Variants in DPYSL3 observed in about 807,000 individuals in gnomAD.
DPYSL3 encodes the protein dihydropyrimidinase like 3.
Under a neutral mutation model 66.1 loss-of-function variants are expected in DPYSL3, and 16 were observed. The ratio of observed to expected loss-of-function variants is 0.24; its 90% confidence interval spans 0.16 to 0.37. DPYSL3 has a LOEUF of 0.37. DPYSL3 is among the 10% of genes least tolerant of loss of function. DPYSL3 has a pLI of 1.00. For missense variants in DPYSL3, 738 were observed against 916.2 expected, an observed-to-expected ratio of 0.81 and a Z score of 2.51; for synonymous variants, 338 against 345.1, an observed-to-expected ratio of 0.98 and a Z score of 0.23.
intron 8 of DPYSL3, among the ~76,000 whole-genome samples, chr5:147,404,058 G>A (rs904479829): frequency 2.6e-5 from 4 of 152,180 alleles, no homozygotes; most frequent in Non-Finnish European, 5.9e-5. Flanking sequence ...GTCACAGTTG[G>A]CAGGGGTGTG....
At chr5:147,410,073 C>T (rs916929963) in intron 6 of DPYSL3, among the ~76,000 whole-genome samples, 6 of 152,136 alleles carry the variant, frequency 3.9e-5, no homozygotes, top group Non-Finnish European at 8.8e-5. Context: ...ACCATTCTCA[C>T]TTATTGAAAC....
In DPYSL3 at chr5:147,404,830, C is replaced by T. The variant is rs568614296; in HGVS notation, c.1153+780G>A. Among the ~76,000 whole-genome samples, 3 of 152,250 alleles carry T rather than the reference C, an allele frequency of 2.0e-5. No homozygotes were observed. In the South Asian group the frequency reaches 6.2e-4, roughly 32 times the overall value. ...AATATGCTTTGGAGACCCACTCAACCCCTTCTCTAAAATAACTTGTGTTAG... is the reference window on the plus strand; with the variant it reads ...AATATGCTTTGGAGACCCACTCAACTCCTTCTCTAAAATAACTTGTGTTAG... On this transcript the variant is annotated intron_variant, in intron 8 of 13. Transcript: ENST00000343218.
rs1176456888 is a variant in DPYSL3, at chr5:147,453,802, C to A, written c.382-28839G>T. On this transcript the variant is annotated intron_variant, in intron 1 of 13. Coordinates refer to ENST00000343218, the MANE Select transcript of DPYSL3 (RefSeq NM_001197294.2). ...TCCCCGGTCCCCCTTTCACCCCCGC[C>A]CCCCCACGCACACCCTCCTCCACCC... The A allele has an allele frequency of 7.2e-6, 9 of 1,250,574 alleles. No homozygotes were observed. In the East Asian group the frequency reaches 1.3e-4, roughly 18 times the overall value. 77.5% of individuals were successfully genotyped at this position (1,250,574 alleles called of 1,614,324 possible).
rs139649630 is a variant in DPYSL3, at chr5:147,423,868, A to G, written c.470+1007T>C. On this transcript the variant is annotated intron_variant, in intron 2 of 13. Coordinates refer to ENST00000343218, the MANE Select transcript of DPYSL3 (RefSeq NM_001197294.2). ...CCTGAGTAGCTGGGACTGCAGGCATACACCAGCACACCCGGGTAATTTTTG... is the reference window on the plus strand; with the variant it reads ...CCTGAGTAGCTGGGACTGCAGGCATGCACCAGCACACCCGGGTAATTTTTG... Among the ~76,000 whole-genome samples, 610 of 152,188 alleles carry G rather than the reference A, an allele frequency of 4.0e-3. 3 individuals carry two copies. The highest frequency in any genetic ancestry group is 6.6e-3 in the Non-Finnish European group (449 of 67,982).
chr5:147,464,895 G>T (rs145660027), intron 1 of DPYSL3, among the ~76,000 whole-genome samples: 91 of 152,260 alleles, frequency 6.0e-4, no homozygotes, highest in African/African-American at 1.9e-3. Context: ...CTCCCTGAAC[G>T]TACACAGAGA....
intron 1 of DPYSL3, among the ~76,000 whole-genome samples, chr5:147,456,816 C>T (rs1289021867): frequency 2.0e-5 from 3 of 151,956 alleles, no homozygotes; most frequent in Admixed American, 6.6e-5. Context: ...GTCTCGAACT[C>T]CTGACCTCAT....
chr5:147,470,384 C>G lies in DPYSL3; in HGVS notation c.381+39094G>C, dbSNP rs185921759. 5.5e-4 allele frequency among the ~76,000 whole-genome samples: 84 copies of G among 152,228 alleles called. 1 individual carries two copies. Among genetic ancestry groups the G allele is most frequent in the African/African-American group, 1.9e-3 (80 of 41,540 alleles). ...TGCTCTGTAGCTCAGCTGGTGACAC[C>G]TCCCTTCACCTGGTCATCTTCACTG... On this transcript the variant is annotated intron_variant, in intron 1 of 13. Coordinates refer to ENST00000343218, the MANE Select transcript of DPYSL3 (RefSeq NM_001197294.2).
chr5:147,459,583 C>G (rs1231711274), intron 1 of DPYSL3, among the ~76,000 whole-genome samples: 1 of 151,966 alleles, frequency 6.6e-6, no homozygotes, highest in East Asian at 1.9e-4. Context: ...ACAAACTAAC[C>G]TCGGATACAC....
At chr5:147,426,785 A>C (rs1752206416) in intron 1 of DPYSL3, among the ~76,000 whole-genome samples, 1 of 152,214 alleles carries the variant, frequency 6.6e-6, no homozygotes, top group African/African-American at 2.4e-5. Context: ...GATACAGAAA[A>C]TTACCACCTA....
intron 1 of DPYSL3, among the ~76,000 whole-genome samples, chr5:147,490,279 T>A (rs1357981699): frequency 6.6e-6 from 1 of 152,228 alleles, no homozygotes; most frequent in African/African-American, 2.4e-5. Context: ...CAGCCTTTTA[T>A]AGGAATTTTC....
intron 7 of DPYSL3, among the ~76,000 whole-genome samples, chr5:147,407,548 T>C (rs1751729124): frequency 6.6e-6 from 1 of 152,172 alleles, no homozygotes; most frequent in Non-Finnish European, 1.5e-5. Context: ...GAGTAAACCA[T>C]TTTCCAGTCC....
rs552986974 is a variant in DPYSL3 at position 147,453,246 on chromosome 5, G to T, written c.382-28283C>A. On this transcript the variant is annotated intron_variant, in intron 1 of 13. Coordinates refer to ENST00000343218, the MANE Select transcript of DPYSL3 (RefSeq NM_001197294.2). ...ACTCCAGGCGGAGCAGTGGTCCTGG[G>T]AGAGCCGCGAGCCCCGCGCTCCTGG... is the stretch of plus-strand genomic sequence containing the variant. 6.8e-4 allele frequency among the ~76,000 whole-genome samples: 103 copies of T among 152,380 alleles called. 1 individual carries two copies. The highest frequency in any genetic ancestry group is 2.4e-3 in the African/African-American group (99 of 41,600).
intron 1 of DPYSL3, among the ~76,000 whole-genome samples, chr5:147,465,701 C>T (rs775540614): frequency 3.3e-5 from 5 of 152,112 alleles, no homozygotes; most frequent in South Asian, 2.1e-4. Flanking sequence ...GCATATGACC[C>T]GATAGTTGGT....
At chr5:147,473,564 T>C (rs1581210417) in intron 1 of DPYSL3, among the ~76,000 whole-genome samples, 1 of 152,212 alleles carries the variant, frequency 6.6e-6, no homozygotes, top group African/African-American at 2.4e-5. Flanking sequence ...TCACAAACAA[T>C]TTTCTTTTCT....
chr5:147,484,953 A>G (rs532985381), intron 1 of DPYSL3, among the ~76,000 whole-genome samples: 1 of 152,348 alleles, frequency 6.6e-6, no homozygotes, highest in African/African-American at 2.4e-5. Flanking sequence ...GTTTCTCACC[A>G]GCATCGTTCC....
intron 1 of DPYSL3, among the ~76,000 whole-genome samples, chr5:147,481,746 G>A (rs900510889): frequency 6.6e-6 from 1 of 152,142 alleles, no homozygotes; most frequent in Admixed American, 6.5e-5. Context: ...TGCCTCTCTT[G>A]CCCATCTGCC....
At chr5:147,497,171 G>A (rs1581219121) in intron 1 of DPYSL3, among the ~76,000 whole-genome samples, 1 of 148,366 alleles carries the variant, frequency 6.7e-6, no homozygotes, top group African/African-American at 2.5e-5. Context: ...AACACTGCAT[G>A]TTCTCACTCA....
intron 1 of DPYSL3, among the ~76,000 whole-genome samples, chr5:147,488,116 G>T (rs1031336662): frequency 6.6e-6 from 1 of 152,106 alleles, no homozygotes; most frequent in South Asian, 2.1e-4. Context: ...CAGGATGTGG[G>T]AATAGTATCC....
chr5:147,436,965 G>A (rs1236471830), intron 1 of DPYSL3, among the ~76,000 whole-genome samples: 2 of 152,196 alleles, frequency 1.3e-5, no homozygotes, highest in Non-Finnish European at 2.9e-5. Context: ...TGGTGGCCTG[G>A]GATTTAAGAG....
Sources: gnomAD v4.1 joint callset for allele counts (sites outside exome capture counted in the v4.1 genomes callset) on GRCh38, gnomAD v4.1.1 for gene constraint, MANE v1.5 for transcripts, NCBI Gene and HGNC (gene_info 2026-07-23, HGNC 2026-07-21) for gene names.